Variants in SENP5 observed in about 807,000 individuals in gnomAD.
The protein encoded by SENP5 is SUMO specific peptidase 5.
In SENP5, 21 loss-of-function variants were observed where a neutral mutation model predicts 74.2. The observed-to-expected ratio is 0.28, with a 90% CI of 0.20 to 0.41. The LOEUF is 0.41. Ranked by LOEUF, SENP5 falls within the 10% of genes least tolerant of loss-of-function variation. The pLI, the probability that SENP5 is intolerant of heterozygous loss-of-function variation, is 1.00. For missense variants in SENP5, 717 were observed against 889.1 expected, an observed-to-expected ratio of 0.81 and a Z score of 2.46; for synonymous variants, 311 against 312.7, an observed-to-expected ratio of 0.99 and a Z score of 0.06.
At position 196,872,212 on chromosome 3, in the gene SENP5, C is replaced by G. The variant is rs560016596; in HGVS notation, c.-32+4139C>G. Among the ~76,000 whole-genome samples the G allele has an allele frequency of 7.2e-5, 11 of 152,136 alleles. 1 individual carries two copies. The highest frequency in any genetic ancestry group is 7.2e-4 in the Admixed American group (11 of 15,268). On this transcript the variant is annotated intron_variant, in intron 1 of 9. Transcript: ENST00000323460. ...GTAAACCTTCTATTTCCCTTGTGTGCGTGTTTTATCTTTGAAGGAATGTTG... is the reference window on the plus strand; with the variant it reads ...GTAAACCTTCTATTTCCCTTGTGTGGGTGTTTTATCTTTGAAGGAATGTTG...
chr3:196,927,087 C>T lies in SENP5; in HGVS notation c.2023-709C>T, dbSNP rs137918348. 9.2e-5 allele frequency among the ~76,000 whole-genome samples: 14 copies of T among 152,286 alleles called. No homozygotes were observed. In the East Asian group the frequency reaches 2.5e-3, roughly 27 times the overall value. ...GGCTTCATCTTGGTAGATAGTTCAA[C>T]AGTGGACTTGAGCATATTTAGTATT... On this transcript the variant is annotated intron_variant, in intron 7 of 9. Coordinates refer to ENST00000323460, the MANE Select transcript of SENP5 (RefSeq NM_152699.5).
intron 6 of SENP5, among the ~76,000 whole-genome samples, chr3:196,916,996 TG>T (rs1424060643): frequency 6.6e-6 from 1 of 151,868 alleles, no homozygotes; most frequent in Admixed American, 6.6e-5. Context: ...TAGCCGGGCG[TG>T]GTGACACAGG....
chr3:196,925,924 G>C (rs1406176293), intron 7 of SENP5, among the ~76,000 whole-genome samples: 1 of 152,226 alleles, frequency 6.6e-6, no homozygotes, highest in Non-Finnish European at 1.5e-5. Context: ...CATCTGGCCA[G>C]GTGGGGTCAA....
At chr3:196,899,609 C>G (rs1714610935) in intron 2 of SENP5, 57 bp from the exon 3 acceptor site, 10 of 1,033,112 alleles carry the variant, frequency 9.7e-6, no homozygotes, top group Non-Finnish European at 1.5e-5. Flanking sequence ...TGGAGAATGA[C>G]TCTACTGAAA....
rs888656527 is a variant in SENP5 at position 196,881,091 on chromosome 3, C to T, written c.-31-4060C>T. Among the ~76,000 whole-genome samples the T allele has an allele frequency of 5.9e-5, 9 of 151,968 alleles. 1 individual carries two copies. The highest frequency in any genetic ancestry group is 1.2e-4 in the Non-Finnish European group (8 of 67,960). ...CCTTCTGAGTAGCTGGGACCACAGG[C>T]ACATGCCACCACACTTGGCTAATTT... On this transcript the variant is annotated intron_variant, in intron 1 of 9. Transcript: ENST00000323460.
At chr3:196,873,569 G>A (rs1233007926) in intron 1 of SENP5, among the ~76,000 whole-genome samples, 2 of 151,968 alleles carry the variant, frequency 1.3e-5, no homozygotes, top group Admixed American at 6.5e-5. Flanking sequence ...AGCCGGGCGT[G>A]GTGGCTCACG....
intron 6 of SENP5, among the ~76,000 whole-genome samples, chr3:196,905,750 G>C (rs1714876436): frequency 6.6e-6 from 1 of 152,046 alleles, no homozygotes; most frequent in South Asian, 2.1e-4. Flanking sequence ...TTTTATGGAG[G>C]CTTCATTACA....
At chr3:196,888,687 ATAT>A (rs1714081620) in intron 2 of SENP5, among the ~76,000 whole-genome samples, 1 of 152,144 alleles carries the variant, frequency 6.6e-6, no homozygotes, top group African/African-American at 2.4e-5. Context: ...GTGTGAGTAT[ATAT>A]GTGTGCATAT....
At chr3:196,894,998 C>G (rs1714380608) in intron 2 of SENP5, among the ~76,000 whole-genome samples, 1 of 152,110 alleles carries the variant, frequency 6.6e-6, no homozygotes, top group African/African-American at 2.4e-5. Context: ...ATACTGTATA[C>G]CTTCCTTACT....
intron 2 of SENP5, among the ~76,000 whole-genome samples, chr3:196,889,486 T>C (rs918348719): frequency 2.6e-5 from 4 of 152,194 alleles, no homozygotes; most frequent in Admixed American, 2.6e-4. Context: ...AAAAATGGTA[T>C]CTCAGCAAGT....
chr3:196,876,282 C>T (rs970383089), intron 1 of SENP5, among the ~76,000 whole-genome samples: 11 of 152,090 alleles, frequency 7.2e-5, no homozygotes, highest in Non-Finnish European at 4.4e-5. Context: ...TGGCTCACGC[C>T]TGTAATTCCA....
intron 7 of SENP5, among the ~76,000 whole-genome samples, chr3:196,926,259 G>A (rs958980017): frequency 9.9e-5 from 15 of 152,042 alleles, no homozygotes; most frequent in African/African-American, 3.6e-4. Flanking sequence ...TGAGGCGGGC[G>A]GATCAGAAGG....
chr3:196,913,664 T>C (rs1473637924), intron 6 of SENP5, among the ~76,000 whole-genome samples: 1 of 145,816 alleles, frequency 6.9e-6, no homozygotes, highest in Non-Finnish European at 1.5e-5. Flanking sequence ...TTTTTTTTTT[T>C]TTTTTGATGG....
chr3:196,899,078 CAAA>C (rs10709079), intron 2 of SENP5, among the ~76,000 whole-genome samples: 9 of 108,216 alleles, frequency 8.3e-5, no homozygotes, highest in Middle Eastern at 4.5e-3. Context: ...GACGCCATCT[CAAA>C]AAAAAAAAAA....
chr3:196,930,230 C>G (rs963724909), intron 9 of SENP5, among the ~76,000 whole-genome samples: 1 of 152,124 alleles, frequency 6.6e-6, no homozygotes, highest in Non-Finnish European at 1.5e-5. Context: ...ATACCTCATG[C>G]ATGTTTGGGG....
intron 8 of SENP5, chr3:196,929,428 C>T: frequency 2.0e-6 from 1 of 494,718 alleles, no homozygotes; most frequent in Non-Finnish European, 3.5e-6. Flanking sequence ...AAACATTGTC[C>T]TATAAATTGG....
At chr3:196,903,486 G>C (rs1344655896) in intron 5 of SENP5, 47 bp from the exon 6 acceptor site, 1 of 1,205,684 alleles carries the variant, frequency 8.3e-7, no homozygotes, top group East Asian at 2.5e-5. Flanking sequence ...TTAAATCTGG[G>C]CACAGCCTAA....
chr3:196,875,598 C>G (rs1277525685), intron 1 of SENP5, among the ~76,000 whole-genome samples: 1 of 152,150 alleles, frequency 6.6e-6, no homozygotes, highest in South Asian at 2.1e-4. Flanking sequence ...CCTAGGAACT[C>G]TTGCTCATCA....
At chr3:196,926,565 T>C (rs1393314596) in intron 7 of SENP5, among the ~76,000 whole-genome samples, 1 of 152,068 alleles carries the variant, frequency 6.6e-6, no homozygotes, top group Non-Finnish European at 1.5e-5. Context: ...TGCAACATGC[T>C]GTCATACTTT....
Sources: allele counts gnomAD v4.1 joint callset (sites outside exome capture counted in the v4.1 genomes callset), GRCh38; gene constraint gnomAD v4.1.1; transcripts MANE v1.5; gene names NCBI Gene and HGNC (gene_info 2026-07-23, HGNC 2026-07-21).